Variants in SEMA3C observed in about 807,000 individuals in gnomAD.
SEMA3C encodes semaphorin 3C.
Under a neutral mutation model 89.4 loss-of-function variants are expected in SEMA3C, and 47 were observed. That is an observed-to-expected ratio of 0.53 (90% CI 0.42 to 0.67). The LOEUF (loss-of-function observed/expected upper bound fraction) is 0.67. SEMA3C is among the 30% of genes least tolerant of loss of function. The probability of loss-of-function intolerance (pLI) is 0.00; values close to 1 mark genes in which losing one functional copy is unlikely to be tolerated. For synonymous variants in SEMA3C, 310 were observed against 320.2 expected, an observed-to-expected ratio of 0.97 and a Z score of 0.34; for missense variants, 839 against 929.1, an observed-to-expected ratio of 0.90 and a Z score of 1.26.
At chr7:80,872,469 A>G (rs1221925020) in intron 2 of SEMA3C, among the ~76,000 whole-genome samples, 2 of 152,126 alleles carry the variant, frequency 1.3e-5, no homozygotes, top group African/African-American at 2.4e-5. Flanking sequence ...AGTTATATTT[A>G]GAAGGATTAC....
chr7:80,812,939 A>G (rs923818469), intron 5 of SEMA3C, among the ~76,000 whole-genome samples: 31 of 141,530 alleles, frequency 2.2e-4, no homozygotes, highest in African/African-American at 7.7e-4. Flanking sequence ...GGGAAGCACC[A>G]CCACGCCTGG....
At chr7:80,863,821 ATGTGATATG>A (rs1583954975) in intron 2 of SEMA3C, among the ~76,000 whole-genome samples, 2 of 146,746 alleles carry the variant, frequency 1.4e-5, no homozygotes, top group African/African-American at 5.0e-5. Context: ...ATACATATAT[ATGTGATATG>A]TGATATATAT....
At chr7:80,908,588 AC>A (rs1431150065) in intron 2 of SEMA3C, among the ~76,000 whole-genome samples, 10 of 152,268 alleles carry the variant, frequency 6.6e-5, no homozygotes, top group African/African-American at 2.4e-4. Flanking sequence ...AAATTTAGGT[AC>A]TTATCTTATT....
intron 12 of SEMA3C, among the ~76,000 whole-genome samples, chr7:80,779,360 T>C (rs1202498564): frequency 6.6e-6 from 1 of 152,182 alleles, no homozygotes; most frequent in Non-Finnish European, 1.5e-5. Flanking sequence ...AGGAATTCAT[T>C]ACTCTCCAAA....
intron 14 of SEMA3C, among the ~76,000 whole-genome samples, chr7:80,759,577 C>A (rs936326469): frequency 1.6e-4 from 24 of 152,284 alleles, no homozygotes; most frequent in Admixed American, 1.4e-3. Flanking sequence ...TTTTCCTCCA[C>A]ATAAAATGCT....
chr7:80,893,353 T>C (rs116001983), intron 2 of SEMA3C, among the ~76,000 whole-genome samples: 1,615 of 152,274 alleles, frequency 0.011, 24 homozygotes, highest in African/African-American at 0.036. Flanking sequence ...GGGAAATTTA[T>C]GTCTACACCA....
chr7:80,754,671 G>A (rs758229096), intron 15 of SEMA3C, among the ~76,000 whole-genome samples: 15 of 152,282 alleles, frequency 9.9e-5, no homozygotes, highest in Non-Finnish European at 1.5e-4. Flanking sequence ...GCTAGTCAAA[G>A]ATAAATACGG....
At position 80,748,895 on chromosome 7, in the gene SEMA3C, C is replaced by T; in HGVS notation, c.1842+3G>A. ...TGGATTGCTGCTGTGCTGCTTTACT[C>T]ACCTCTTTCCTCCTGTCTTTGTCTT... On this transcript the variant is annotated splice_donor_region_variant and intron_variant, in intron 17 of 17. Coordinates refer to ENST00000265361, the MANE Select transcript of SEMA3C (RefSeq NM_006379.5). 6.2e-7 allele frequency: 1 copy of T among 1,608,856 alleles called. No individual in the cohort carries two copies. The highest frequency in any genetic ancestry group is 8.5e-7 in the Non-Finnish European group (1 of 1,177,944).
upstream of SEMA3C, among the ~76,000 whole-genome samples, chr7:80,920,219 C>A (rs3762017): frequency 2.0e-5 from 3 of 151,906 alleles, no homozygotes; most frequent in East Asian, 5.8e-4. Context: ...ATTACTTCTC[C>A]GGACCACAAT....
At chr7:80,895,282 G>C (rs1791707226) in intron 2 of SEMA3C, among the ~76,000 whole-genome samples, 1 of 152,154 alleles carries the variant, frequency 6.6e-6, no homozygotes, top group Non-Finnish European at 1.5e-5. Flanking sequence ...GAGGAAATTT[G>C]AATGTAAAGG....
chr7:80,848,851 C>A (rs986520647), intron 2 of SEMA3C, among the ~76,000 whole-genome samples: 2 of 152,004 alleles, frequency 1.3e-5, no homozygotes, highest in African/African-American at 4.8e-5. Context: ...TTTTATTTTT[C>A]AATTTACGGT....
chr7:80,850,666 G>A (rs903937525), intron 2 of SEMA3C, among the ~76,000 whole-genome samples: 14 of 152,108 alleles, frequency 9.2e-5, no homozygotes, highest in African/African-American at 3.1e-4. Flanking sequence ...CAGCCTGCAC[G>A]GTAGTTAGAC....
Position 80,787,715 on chromosome 7 carries a change from G to A in SEMA3C, c.1354+1591C>T, listed in dbSNP as rs549702286. Among the ~76,000 whole-genome samples, 35 of 152,328 alleles carry A rather than the reference G, an allele frequency of 2.3e-4. 3 individuals carry two copies. In the South Asian group the frequency reaches 6.2e-3, roughly 27 times the overall value. Reference sequence around the variant, plus strand: ...TTTCATAACCTGGCAAGGCTTCTAAGTTGAGGATTCAGTGGAGGATGAAAT... The same window carrying A: ...TTTCATAACCTGGCAAGGCTTCTAAATTGAGGATTCAGTGGAGGATGAAAT... On this transcript the variant is annotated intron_variant, in intron 12 of 17. Transcript: ENST00000265361.
chr7:80,879,132 A>T (rs1480751125), intron 2 of SEMA3C, among the ~76,000 whole-genome samples: 2 of 152,126 alleles, frequency 1.3e-5, no homozygotes, highest in East Asian at 3.9e-4. Flanking sequence ...CAGATACAGA[A>T]ATGCAGCCAA....
chr7:80,868,419 C>T (rs556395807), intron 2 of SEMA3C, among the ~76,000 whole-genome samples: 8 of 152,118 alleles, frequency 5.3e-5, no homozygotes, highest in African/African-American at 1.9e-4. Flanking sequence ...AGACATGAGC[C>T]ACCACACCTG....
intron 2 of SEMA3C, among the ~76,000 whole-genome samples, chr7:80,903,367 A>C (rs900584790): frequency 6.6e-6 from 1 of 152,180 alleles, no homozygotes; most frequent in Non-Finnish European, 1.5e-5. Flanking sequence ...ATGTAGTATA[A>C]TAATCTTATG....
intron 6 of SEMA3C, among the ~76,000 whole-genome samples, chr7:80,808,430 G>C (rs1789390696): frequency 6.6e-6 from 1 of 152,122 alleles, no homozygotes; most frequent in Non-Finnish European, 1.5e-5. Context: ...AACATGCCTT[G>C]CATAGGTCAT....
chr7:80,859,990 A>G (rs1343435541), intron 2 of SEMA3C, among the ~76,000 whole-genome samples: 1 of 152,080 alleles, frequency 6.6e-6, no homozygotes, highest in Non-Finnish European at 1.5e-5. Flanking sequence ...AACTTGGGAA[A>G]CAATATTCTA....
In SEMA3C at chr7:80,818,924, ACAGT is replaced by A. The variant is rs528702357; in HGVS notation, c.328-510_328-507del. Among the ~76,000 whole-genome samples the A allele has an allele frequency of 2.5e-4, 38 of 152,326 alleles. No homozygotes were observed. In the South Asian group the frequency reaches 7.2e-3, roughly 29 times the overall value. Reference sequence around the variant, plus strand: ...GAATAGTCAAAACATTATTACAGAAACAGTCAGTCAACAAACATTTACTGATTAC... The same window carrying A: ...GAATAGTCAAAACATTATTACAGAAACAGTCAACAAACATTTACTGATTAC... On this transcript the variant is annotated intron_variant, in intron 4 of 17. Coordinates refer to ENST00000265361, the MANE Select transcript of SEMA3C (RefSeq NM_006379.5).
Sources: gnomAD v4.1 joint callset for allele counts (sites outside exome capture counted in the v4.1 genomes callset) on GRCh38, gnomAD v4.1.1 for gene constraint, MANE v1.5 for transcripts, NCBI Gene and HGNC (gene_info 2026-07-23, HGNC 2026-07-21) for gene names.